GRIK3: variants seen among roughly 807,000 people sequenced by gnomAD.
GRIK3 encodes glutamate ionotropic receptor kainate type subunit 3.
Under a neutral mutation model 102.5 loss-of-function variants are expected in GRIK3, and 29 were observed. The ratio of observed to expected loss-of-function variants is 0.28; its 90% confidence interval spans 0.21 to 0.39. The LOEUF (loss-of-function observed/expected upper bound fraction) is 0.39, where lower values mean the gene tolerates loss of function less well. Among genes scored for constraint, GRIK3 ranks in the 10% least tolerant of loss-of-function variants. The pLI is 1.00. For missense variants in GRIK3, 908 were observed against 1,252.4 expected (o/e 0.73, Z 4.15); for synonymous variants, 511 against 504.9 (o/e 1.01, Z -0.16).
chr1:36,970,909 A>C (rs984645257), intron 1 of GRIK3, among the ~76,000 whole-genome samples: 1 of 152,246 alleles, frequency 6.6e-6, no homozygotes, highest in Admixed American at 6.5e-5. Context: ...ATTCCAAGAC[A>C]GTCCTGGACC....
At chr1:36,912,155 C>T (rs1322803456) in intron 1 of GRIK3, among the ~76,000 whole-genome samples, 2 of 152,122 alleles carry the variant, frequency 1.3e-5, no homozygotes, top group Non-Finnish European at 2.9e-5. Flanking sequence ...TCCTGGGTCA[C>T]GCTTTTCTCT....
At chr1:37,017,020 AC>A (rs2124068325) in intron 1 of GRIK3, among the ~76,000 whole-genome samples, 1 of 151,980 alleles carries the variant, frequency 6.6e-6, no homozygotes, top group East Asian at 1.9e-4. Flanking sequence ...TTTAAGACCA[AC>A]CTAGCCAACA....
At chr1:36,921,289 T>G (rs1027067370) in intron 1 of GRIK3, among the ~76,000 whole-genome samples, 3 of 152,172 alleles carry the variant, frequency 2.0e-5, no homozygotes, top group African/African-American at 7.2e-5. Context: ...GAGGTTCAGA[T>G]CCCAGCTCCT....
chr1:37,000,555 A>G (rs1642466989), intron 1 of GRIK3, among the ~76,000 whole-genome samples: 1 of 152,224 alleles, frequency 6.6e-6, no homozygotes, highest in African/African-American at 2.4e-5. Context: ...CTTGCCAGGC[A>G]CCAGGCTGAG....
chr1:37,000,868 G>A (rs75419667), intron 1 of GRIK3, among the ~76,000 whole-genome samples: 1,550 of 152,304 alleles, frequency 0.01, 24 homozygotes, highest in African/African-American at 0.036. Context: ...TCTCAGGTCA[G>A]AAAGCCCAAG....
chr1:36,960,390 A>G (rs1641992624), intron 1 of GRIK3, among the ~76,000 whole-genome samples: 3 of 152,198 alleles, frequency 2.0e-5, no homozygotes, highest in Admixed American at 6.5e-5. Flanking sequence ...GTGGTCTGCA[A>G]TTGCAGCTCC....
Position 36,859,874 on chromosome 1 carries a change from G to A in GRIK3, c.930C>T (p.Ser310=), listed in dbSNP as rs189697167. ...TCACTCCATCCAGCAGGCCAGACTC[G>A]GACCGGGGAGCTGCCTGCAGCCGCT... The part of the protein sequence containing the change: ...SMERLQAAPR[S]ESGLLDGVMM... The change falls in exon 6 of 16, where the codon TCC becomes TCT. Residue 310 remains serine, a synonymous_variant. Transcript: ENST00000373091. 1.1e-4 allele frequency: 173 copies of A among 1,613,978 alleles called. No homozygotes were observed. Among genetic ancestry groups the A allele is most frequent in the South Asian group, 6.4e-4 (58 of 91,072 alleles).
intron 1 of GRIK3, among the ~76,000 whole-genome samples, chr1:36,914,568 T>C (rs1641379067): frequency 6.6e-6 from 1 of 152,196 alleles, no homozygotes; most frequent in Non-Finnish European, 1.5e-5. Flanking sequence ...AAAAGTTATT[T>C]ATCCTGCCTC....
chr1:36,824,170 G>T (rs962972990), intron 11 of GRIK3, among the ~76,000 whole-genome samples: 4 of 152,194 alleles, frequency 2.6e-5, no homozygotes, highest in African/African-American at 9.6e-5. Flanking sequence ...CCTGGAGGCA[G>T]GGTGGGAAGA....
intron 1 of GRIK3, among the ~76,000 whole-genome samples, chr1:36,963,238 C>T (rs1018023898): frequency 2.0e-5 from 3 of 152,140 alleles, no homozygotes; most frequent in Non-Finnish European, 4.4e-5. Context: ...TGCCTCCTGC[C>T]CACTTGGCTC....
intron 10 of GRIK3, among the ~76,000 whole-genome samples, chr1:36,826,932 T>A (rs2124199191): frequency 6.6e-6 from 1 of 152,290 alleles, no homozygotes; most frequent in South Asian, 2.1e-4. Context: ...TCCTCCCCCA[T>A]GAGGCCCCAA....
Position 36,850,255 on chromosome 1 carries a change from C to T in GRIK3, c.1326+56G>A, listed in dbSNP as rs572639370. On this transcript the variant is annotated intron_variant, in intron 9 of 15. Transcript: ENST00000373091. The surrounding 1 kb of genome is among the most constrained non-coding windows in gnomAD (Gnocchi z 4.0). ...GATAGAGGGGACTCTCCAGCCCGAACGGCCACCCCACCCCCAGGTCGGACA... is the reference window on the plus strand; with the variant it reads ...GATAGAGGGGACTCTCCAGCCCGAATGGCCACCCCACCCCCAGGTCGGACA... The T allele has an allele frequency of 1.0e-4, 112 of 1,124,790 alleles. 1 individual carries two copies. Among genetic ancestry groups the T allele is most frequent in the Non-Finnish European group, 1.4e-4 (106 of 734,316 alleles). The allele number at this position is 1,124,790 out of a possible 1,614,324, so 69.7% of individuals were successfully genotyped here. A position where few individuals can be genotyped will look rare whatever the true frequency, so the allele number is the denominator to read the frequency against.
intron 2 of GRIK3, among the ~76,000 whole-genome samples, chr1:36,884,864 C>T (rs143087778): frequency 6.6e-6 from 1 of 152,368 alleles, no homozygotes; most frequent in Non-Finnish European, 1.5e-5. Flanking sequence ...TTCCCTGCCA[C>T]TGCTACCATT....
At chr1:37,003,846 C>A (rs1377355009) in intron 1 of GRIK3, among the ~76,000 whole-genome samples, 1 of 152,186 alleles carries the variant, frequency 6.6e-6, no homozygotes, top group Non-Finnish European at 1.5e-5. Flanking sequence ...CCATCTCCCA[C>A]CTCCTGTGCC....
rs143276933 is a variant in GRIK3 at position 36,891,005 on chromosome 1, C to T, written c.207G>A (p.Arg69=). Residue 69 remains arginine, a synonymous_variant, in exon 2 of 16, where the codon AGG becomes AGA. Coordinates refer to ENST00000373091, the MANE Select transcript of GRIK3 (RefSeq NM_000831.4). ...TTGTGTTGGGCAGCAGAGTCCTGTTCCTGTTGATGATGTTGGCAGAAAATC... is the reference window on the plus strand; with the variant it reads ...TTGTGTTGGGCAGCAGAGTCCTGTTTCTGTTGATGATGTTGGCAGAAAATC... ...AFRFSANIIN[R]NRTLLPNTTL... is the part of the protein sequence containing the mutation. 9 of 1,613,954 alleles carry T rather than the reference C, an allele frequency of 5.6e-6. No individual in the cohort carries two copies. The African/African-American group carries it at 1.2e-4, about 22-fold the overall frequency.
At chr1:36,933,356 T>C (rs1215305096) in intron 1 of GRIK3, among the ~76,000 whole-genome samples, 16 of 152,226 alleles carry the variant, frequency 1.1e-4, no homozygotes, top group Admixed American at 9.2e-4. Context: ...CACCACTCCA[T>C]GTGCTGCCTG....
At chr1:37,030,150 G>T (rs746530149) in intron 1 of GRIK3, among the ~76,000 whole-genome samples, 1 of 152,210 alleles carries the variant, frequency 6.6e-6, no homozygotes, top group Non-Finnish European at 1.5e-5. Flanking sequence ...CTAAGGCCCC[G>T]CGGGCCACTC....
At position 36,859,216 on chromosome 1, in the gene GRIK3, G is replaced by A. The variant is rs373031672; in HGVS notation, c.996C>T (p.Ile332=). The part of the protein sequence containing the change: ...DAALLYDAVH[I]VSVCYQRAPQ... ...GTGCCCGCTGGTAGCACACGGACAC[G>A]ATATGGACGGCGTCGTACAGTAAGG... The change falls in exon 7 of 16, where the codon ATC becomes ATT. Residue 332 remains isoleucine, a synonymous_variant. Transcript: ENST00000373091. The A allele has an allele frequency of 8.7e-5, 141 of 1,613,670 alleles. No individual in the cohort carries two copies. In the Middle Eastern group the frequency reaches 1.3e-3, roughly 15 times the overall value.
At chr1:36,910,896 G>A (rs1380506894) in intron 1 of GRIK3, among the ~76,000 whole-genome samples, 1 of 152,212 alleles carries the variant, frequency 6.6e-6, no homozygotes, top group East Asian at 1.9e-4. Context: ...AGGTGAGTGG[G>A]GGGGCATAAC....
Sources: allele counts gnomAD v4.1 joint callset (sites outside exome capture counted in the v4.1 genomes callset), GRCh38; gene constraint gnomAD v4.1.1; non-coding constraint Gnocchi (gnomAD v3.1); transcripts MANE v1.5; gene names NCBI Gene and HGNC (gene_info 2026-07-23, HGNC 2026-07-21).